The following KIAA1671 variants were observed in gnomAD, a reference collection of about 807,000 sequenced individuals.
The protein encoded by KIAA1671 is KIAA1671, also known as uncharacterized protein KIAA1671.
A neutral mutation model predicts 131.2 loss-of-function variants in KIAA1671; 52 were observed. That is an observed-to-expected ratio of 0.40 (90% confidence interval 0.32 to 0.50). KIAA1671 has a LOEUF of 0.50. KIAA1671 is among the 20% of genes least tolerant of loss of function. The pLI is 0.73. For synonymous variants in KIAA1671, 1,003 were observed against 961.6 expected (o/e 1.04, Z -0.80); for missense variants, 2,360 against 2,364.2 (o/e 1.00, Z 0.04).
intron 6 of KIAA1671, among the ~76,000 whole-genome samples, chr22:25,110,548 T>C (rs1931276281): frequency 1.3e-5 from 2 of 152,010 alleles, no homozygotes; most frequent in Admixed American, 6.6e-5. Context: ...AGTAGTGGGG[T>C]TGGGGGGACA....
chr22:25,093,790 C>CTCTGTCTCTCTCTCTT (rs1568951304), intron 6 of KIAA1671, among the ~76,000 whole-genome samples: 2 of 130,420 alleles, frequency 1.5e-5, no homozygotes, highest in African/African-American at 2.9e-5. Context: ...CTCTCTCTCT[C>CTCTGTCTCTCTCTCTT]TCTCTCTCTC....
chr22:25,187,164 C>T (rs5996853), intron 11 of KIAA1671, among the ~76,000 whole-genome samples: 187 of 152,296 alleles, frequency 1.2e-3, no homozygotes, highest in African/African-American at 4.4e-3. Context: ...GCATCTTTTC[C>T]GACCCCTCCA....
chr22:25,142,736 G>A (rs1932824539), intron 6 of KIAA1671, among the ~76,000 whole-genome samples: 1 of 152,198 alleles, frequency 6.6e-6, no homozygotes, highest in Non-Finnish European at 1.5e-5. Flanking sequence ...GCCAGGTGTG[G>A]TGGCAGACTT....
intron 6 of KIAA1671, among the ~76,000 whole-genome samples, chr22:25,148,792 T>A (rs1932943136): frequency 6.6e-6 from 1 of 152,194 alleles, no homozygotes; most frequent in Non-Finnish European, 1.5e-5. Flanking sequence ...CTTATTTGCA[T>A]CTCGCTCCCG....
chr22:24,959,263 T>C (rs1921887770), intron 1 of KIAA1671, among the ~76,000 whole-genome samples: 2 of 151,910 alleles, frequency 1.3e-5, no homozygotes, highest in Non-Finnish European at 2.9e-5. Flanking sequence ...CTCAGCACTT[T>C]GGGAGTCAGA....
intron 6 of KIAA1671, among the ~76,000 whole-genome samples, chr22:25,150,425 C>T (rs574543661): frequency 3.3e-5 from 5 of 152,310 alleles, no homozygotes; most frequent in South Asian, 2.1e-4. Context: ...CAGGCTCTGT[C>T]GGCCCTCTGA....
In KIAA1671 at chr22:25,185,017, A is replaced by G; in HGVS notation, c.5240A>G (p.Glu1747Gly). 1 of 1,551,666 alleles carries G rather than the reference A, an allele frequency of 6.4e-7. No homozygotes were observed. Among genetic ancestry groups the G allele is most frequent in the Non-Finnish European group, 8.7e-7 (1 of 1,147,006 alleles). ...AGGCCAGAGGTGGACAGTCCTGGCG[A>G]GACCCCCAGCTGGGCACCCCAACCC... is the stretch of plus-strand genomic sequence containing the variant. ...HKRPEVDSPGETPSWAPQPKS... is the reference protein window; with the variant it reads ...HKRPEVDSPGGTPSWAPQPKS... Residue 1747 changes from glutamate to glycine, a missense_variant, in exon 11 of 13, where the codon GAG becomes GGG. Physicochemically the swap from Glu to Gly is moderately conservative, Grantham distance 98. Around this residue, in one of 3 missense-constraint regions of KIAA1671, gnomAD observed 1,161 missense variants for 1,204.7 expected, o/e 0.96. Coordinates refer to ENST00000358431, the MANE Select transcript of KIAA1671 (RefSeq NM_001145206.2).
intron 1 of KIAA1671, among the ~76,000 whole-genome samples, chr22:25,007,823 C>T (rs1924831437): frequency 6.6e-6 from 1 of 152,122 alleles, no homozygotes; most frequent in South Asian, 2.1e-4. Context: ...AGCTGCTACT[C>T]TGGGTGCCCT....
chr22:24,969,999 G>T (rs1487615693), intron 1 of KIAA1671, among the ~76,000 whole-genome samples: 1 of 152,218 alleles, frequency 6.6e-6, no homozygotes. Flanking sequence ...TGCTCAGAAC[G>T]GGGCTTGGGC....
intron 6 of KIAA1671, chr22:25,051,777 A>AT (rs1244553927): frequency 1.3e-5 from 2 of 152,168 alleles, no homozygotes; most frequent in African/African-American, 4.8e-5. Context: ...TCATACATGC[A>AT]TTTTGTGTCT....
intron 9 of KIAA1671, 89 bp from the exon 10 acceptor site, chr22:25,181,610 C>T: frequency 6.8e-7 from 1 of 1,481,166 alleles, no homozygotes. Flanking sequence ...GTGAGCATTG[C>T]ATGAGATACT....
chr22:25,020,283 T>G (rs1446545482), intron 1 of KIAA1671, among the ~76,000 whole-genome samples: 1 of 152,184 alleles, frequency 6.6e-6, no homozygotes, highest in East Asian at 1.9e-4. Context: ...AGAAGATGAA[T>G]GAGAGAAGGC....
chr22:25,030,274 T>C (rs1481234150), intron 3 of KIAA1671, among the ~76,000 whole-genome samples: 1 of 152,164 alleles, frequency 6.6e-6, no homozygotes, highest in Non-Finnish European at 1.5e-5. Flanking sequence ...CGGTGGCTCA[T>C]GCCTGTAATC....
intron 1 of KIAA1671, among the ~76,000 whole-genome samples, chr22:25,021,308 C>T (rs1479551232): frequency 6.6e-6 from 1 of 151,840 alleles, no homozygotes; most frequent in African/African-American, 2.4e-5. Flanking sequence ...ATCCTCCCAC[C>T]TCCGCCTCCC....
Position 25,039,111 on chromosome 22 carries a change from G to A in KIAA1671, c.1981G>A (p.Asp661Asn), listed in dbSNP as rs866316426. 1.4e-3 allele frequency: 2,211 copies of A among 1,551,450 alleles called. 35 individuals are homozygous for A. The African/African-American group carries it at 0.025, about 18-fold the overall frequency. Residue 661 changes from aspartate (D) to asparagine (N), a missense_variant, in exon 5 of 13, where the codon GAC (aspartate) becomes AAC (asparagine). Physicochemically the swap from Asp to Asn is conservative, Grantham distance 23. Coordinates refer to ENST00000358431, the MANE Select transcript of KIAA1671 (RefSeq NM_001145206.2). ...RPEMGSWLGRDPPDMTKLKKE... is the reference protein window; with the variant it reads ...RPEMGSWLGRNPPDMTKLKKE... ...TGAGATGGGCTCTTGGCTGGGCAGG[G>A]ACCCACCAGACATGACAAAACTGAA...
chr22:25,135,272 G>A (rs996620677), intron 6 of KIAA1671, among the ~76,000 whole-genome samples: 4 of 152,190 alleles, frequency 2.6e-5, no homozygotes, highest in African/African-American at 7.2e-5. Flanking sequence ...TGCAAGCTCC[G>A]CCTCCTGGGT....
At chr22:25,103,199 C>T (rs1050949660) in intron 6 of KIAA1671, among the ~76,000 whole-genome samples, 6 of 143,178 alleles carry the variant, frequency 4.2e-5, no homozygotes, top group African/African-American at 1.6e-4. Flanking sequence ...TGGGCAAGTC[C>T]CCCCCCAACC....
intron 3 of KIAA1671, among the ~76,000 whole-genome samples, chr22:25,031,145 G>A (rs557784865): frequency 1.3e-5 from 2 of 151,388 alleles, no homozygotes; most frequent in East Asian, 3.9e-4. Flanking sequence ...TCCTGCCTCA[G>A]CCTCCGCAGT....
chr22:25,103,250 AC>A (rs1392332851), intron 6 of KIAA1671, among the ~76,000 whole-genome samples: 2 of 139,326 alleles, frequency 1.4e-5, no homozygotes, highest in Non-Finnish European at 3.0e-5. Flanking sequence ...TCGCTCTGTC[AC>A]CCAGGCTGGA....
Sources: allele counts gnomAD v4.1 joint callset (sites outside exome capture counted in the v4.1 genomes callset), GRCh38; gene constraint gnomAD v4.1.1; regional missense constraint gnomAD v4.1.1; transcripts MANE v1.5; gene names NCBI Gene and HGNC (gene_info 2026-07-23, HGNC 2026-07-21).